ANO2: variants seen among roughly 807,000 people sequenced by gnomAD.
ANO2 encodes the protein anoctamin-2.
Under a neutral mutation model 124.2 loss-of-function variants are expected in ANO2, and 101 were observed. That is an observed-to-expected ratio of 0.81 (90% confidence interval 0.69 to 0.96). The LOEUF (loss-of-function observed/expected upper bound fraction) is 0.96. ANO2 is among the 40% of genes least tolerant of loss of function. The probability of loss-of-function intolerance (pLI) is 0.00; values close to 1 mark genes in which losing one functional copy is unlikely to be tolerated. For missense variants in ANO2, 1,293 were observed against 1,274.5 expected, an observed-to-expected ratio of 1.01 and a Z score of -0.22; for synonymous variants, 486 against 482.5, an observed-to-expected ratio of 1.01 and a Z score of -0.09.
intron 14 of ANO2, among the ~76,000 whole-genome samples, chr12:5,717,391 A>C (rs1262157001): frequency 6.6e-6 from 1 of 152,250 alleles, no homozygotes; most frequent in Non-Finnish European, 1.5e-5. Context: ...CCAAGGTAAC[A>C]GAAATAAGGA....
chr12:5,690,245 C>T (rs1251291573), intron 14 of ANO2, among the ~76,000 whole-genome samples: 6 of 152,162 alleles, frequency 3.9e-5, no homozygotes, highest in Non-Finnish European at 8.8e-5. Flanking sequence ...AGAATCCAGT[C>T]CCAAAGTCAG....
intron 14 of ANO2, among the ~76,000 whole-genome samples, chr12:5,723,876 G>C (rs1476246853): frequency 6.6e-6 from 1 of 152,128 alleles, no homozygotes; most frequent in Admixed American, 6.5e-5. Context: ...CTGAAGCACA[G>C]GACTGCAGAG....
intron 12 of ANO2, among the ~76,000 whole-genome samples, chr12:5,743,621 G>A (rs1951175472): frequency 6.6e-6 from 1 of 152,152 alleles, no homozygotes; most frequent in Middle Eastern, 3.4e-3. Flanking sequence ...CCTTTGGTGG[G>A]AATACTGAAA....
intron 20 of ANO2, among the ~76,000 whole-genome samples, chr12:5,596,346 T>C (rs1943658859): frequency 6.6e-6 from 1 of 151,746 alleles, no homozygotes; most frequent in African/African-American, 2.4e-5. Flanking sequence ...TAATGGGAAA[T>C]AAAAAAATAA....
At chr12:5,730,205 A>G (rs1424959261) in intron 14 of ANO2, among the ~76,000 whole-genome samples, 1 of 152,164 alleles carries the variant, frequency 6.6e-6, no homozygotes, top group Non-Finnish European at 1.5e-5. Context: ...TGCATATTGA[A>G]TTGTGCACTT....
In ANO2 at chr12:5,647,786, G is replaced by C. The variant is rs1323214055; in HGVS notation, c.1561C>G (p.Leu521Val). Reference protein sequence around the residue: ...ECGDEDDEDKLTWKDRFPGYL... With the variant: ...ECGDEDDEDKVTWKDRFPGYL... ...CCTGGGAAACGATCCTTCCAGGTCA[G>C]TTTATCTTCATCATCCTGGGGAGAA... The change falls in exon 15 of 25, where the codon CTG becomes GTG. Residue 521 changes from leucine to valine, a missense_variant. Transcript: ENST00000682330. 3 of 1,609,724 alleles carry C rather than the reference G, an allele frequency of 1.9e-6. No homozygotes were observed. In the South Asian group the frequency reaches 3.4e-5, roughly 18 times the overall value.
At chr12:5,747,552 G>A (rs547287495) in intron 11 of ANO2, among the ~76,000 whole-genome samples, 1 of 152,238 alleles carries the variant, frequency 6.6e-6, no homozygotes, top group East Asian at 1.9e-4. Flanking sequence ...CCCATCCTGA[G>A]TCTGAAAAAA....
At chr12:5,876,835 G>A (rs1440043591) in intron 3 of ANO2, among the ~76,000 whole-genome samples, 5 of 152,166 alleles carry the variant, frequency 3.3e-5, no homozygotes, top group Admixed American at 6.5e-5. Context: ...TCAGGGGTAG[G>A]GGGTTAGGGG....
intron 14 of ANO2, among the ~76,000 whole-genome samples, chr12:5,670,711 A>T (rs57590096): frequency 0.11 from 16,354 of 151,572 alleles, 1,180 homozygotes; most frequent in African/African-American, 0.2. Flanking sequence ...ATTTTTTTTT[A>T]AAAAATGTTA....
intron 20 of ANO2, among the ~76,000 whole-genome samples, chr12:5,589,813 G>A (rs369754006): frequency 1.8e-4 from 27 of 152,182 alleles, no homozygotes; most frequent in African/African-American, 6.5e-4. Flanking sequence ...AGGGCAGGAG[G>A]GAGCTGTAGG....
intron 16 of ANO2, among the ~76,000 whole-genome samples, chr12:5,624,729 T>C (rs2136923063): frequency 6.6e-6 from 1 of 152,194 alleles, no homozygotes; most frequent in Middle Eastern, 3.4e-3. Context: ...GCTCCCAGTC[T>C]AGAAGGGTGA....
intron 20 of ANO2, among the ~76,000 whole-genome samples, chr12:5,588,030 G>A (rs1943206713): frequency 6.6e-6 from 1 of 152,264 alleles, no homozygotes; most frequent in Non-Finnish European, 1.5e-5. Flanking sequence ...TGCATGGGTG[G>A]TCCTGGGGAT....
chr12:5,669,355 G>A (rs1195293469), intron 14 of ANO2, among the ~76,000 whole-genome samples: 1 of 151,916 alleles, frequency 6.6e-6, no homozygotes, highest in Non-Finnish European at 1.5e-5. Context: ...TGTTGTTGGT[G>A]TATAGGAATG....
intron 3 of ANO2, among the ~76,000 whole-genome samples, chr12:5,905,561 G>C (rs1940617989): frequency 6.6e-6 from 1 of 152,110 alleles, no homozygotes; most frequent in African/African-American, 2.4e-5. Flanking sequence ...CTGATGACTG[G>C]AAAAGATCCC....
At chr12:5,939,090 G>A (rs569097744) in intron 1 of ANO2, among the ~76,000 whole-genome samples, 6 of 146,798 alleles carry the variant, frequency 4.1e-5, no homozygotes, top group South Asian at 2.2e-4. Context: ...AGTGGTGCGC[G>A]CCTGTAGTCC....
At chr12:5,772,393 G>T (rs1271763111) in intron 10 of ANO2, among the ~76,000 whole-genome samples, 3 of 152,194 alleles carry the variant, frequency 2.0e-5, no homozygotes, top group Non-Finnish European at 4.4e-5. Flanking sequence ...CCTTGCCGTA[G>T]TCGCCTAAAT....
At chr12:5,606,768 G>GCA (rs142578167) in intron 19 of ANO2, among the ~76,000 whole-genome samples, 2 of 151,790 alleles carry the variant, frequency 1.3e-5, no homozygotes, top group Non-Finnish European at 2.9e-5. Context: ...ACACATACAT[G>GCA]CACACACACA....
At chr12:5,772,662 T>C (rs1213082155) in intron 10 of ANO2, among the ~76,000 whole-genome samples, 1 of 152,232 alleles carries the variant, frequency 6.6e-6, no homozygotes, top group Admixed American at 6.5e-5. Flanking sequence ...TTTAATGTGA[T>C]AGCATAAACA....
chr12:5,873,368 C>T (rs1212944125), intron 3 of ANO2, among the ~76,000 whole-genome samples: 1 of 152,174 alleles, frequency 6.6e-6, no homozygotes, highest in Admixed American at 6.5e-5. Context: ...CAGGACAACC[C>T]ATGGGTTGCT....
Sources: allele counts gnomAD v4.1 joint callset (sites outside exome capture counted in the v4.1 genomes callset), GRCh38; gene constraint gnomAD v4.1.1; transcripts MANE v1.5; gene names NCBI Gene and HGNC (gene_info 2026-07-23, HGNC 2026-07-21).